Variants in KAZN observed in about 807,000 individuals in gnomAD.
KAZN encodes the protein kazrin.
Under a neutral mutation model 87.4 loss-of-function variants are expected in KAZN, and 40 were observed. That is an observed-to-expected ratio of 0.46 (90% CI 0.36 to 0.60). The LOEUF is 0.60. Among genes scored for constraint, KAZN ranks in the 20% least tolerant of loss-of-function variants. The pLI, the probability that KAZN is intolerant of heterozygous loss-of-function variation, is 0.00. For synonymous variants in KAZN, 466 were observed against 458.3 expected (o/e 1.02, Z -0.22); for missense variants, 898 against 1,073.9 (o/e 0.84, Z 2.29).
chr1:14,169,532 A>G (rs997323570), intron 1 of KAZN, among the ~76,000 whole-genome samples: 5 of 152,168 alleles, frequency 3.3e-5, no homozygotes, highest in African/African-American at 1.2e-4. Flanking sequence ...TAGGTTGAGC[A>G]CACACAGGGG....
chr1:14,571,516 G>C (rs1240300000), intron 2 of KAZN, among the ~76,000 whole-genome samples: 1 of 152,112 alleles, frequency 6.6e-6, no homozygotes, highest in African/African-American at 2.4e-5. Flanking sequence ...AAAGCTTTTT[G>C]AGTTCCCCAT....
chr1:14,666,332 G>A (rs1374288896), intron 1 of KAZN, among the ~76,000 whole-genome samples: 1 of 152,106 alleles, frequency 6.6e-6, no homozygotes, highest in African/African-American at 2.4e-5. Context: ...CCTGTTCTTT[G>A]TAATGTCTGT....
chr1:15,071,746 G>A (rs1199112749), intron 8 of KAZN, among the ~76,000 whole-genome samples: 1 of 152,204 alleles, frequency 6.6e-6, no homozygotes, highest in Non-Finnish European at 1.5e-5. Flanking sequence ...GAAAATGGCA[G>A]GACCTCTGAT....
Position 14,996,248 on chromosome 1 carries a change from T to C in KAZN, c.418+35373T>C, listed in dbSNP as rs1332475561. Among the ~76,000 whole-genome samples the C allele has an allele frequency of 6.6e-6, 1 of 152,176 alleles. No individual in the cohort carries two copies. The highest frequency in any genetic ancestry group is 2.4e-5 in the African/African-American group (1 of 41,446). ...AGGGGTCACTGGGTCGGCCTTTCTC[T>C]TTCTTGTTCCCGTGTGTCTCTGTCC... is the stretch of plus-strand genomic sequence containing the variant. On this transcript the variant is annotated intron_variant, in intron 2 of 14. Transcript: ENST00000376030. This position sits in a 1 kb window ranked among gnomAD's most constrained non-coding sequence, Gnocchi z 5.9.
At chr1:14,815,658 A>AAACAAACC (rs1646541004) in intron 1 of KAZN, among the ~76,000 whole-genome samples, 1 of 152,162 alleles carries the variant, frequency 6.6e-6, no homozygotes, top group Non-Finnish European at 1.5e-5. Context: ...ATGAGTCTGG[A>AAACAAACC]AACAAACCAG....
In KAZN at chr1:14,255,138, A is replaced by AG. The variant is rs1338838382; in HGVS notation, c.249+74546_249+74547insG. ...CTGTCTCAAAAAAAAAAAAAAAAAAAAAGAAGAAGAAGAAGAAGAAAGGGG... is the reference window on the plus strand; with the variant it reads ...CTGTCTCAAAAAAAAAAAAAAAAAAAGAAGAAGAAGAAGAAGAAGAAAGGGG... On this transcript the variant is annotated intron_variant, in intron 2 of 16. Transcript: ENST00000636203. 1.0e-2 allele frequency among the ~76,000 whole-genome samples: 1,248 copies of AG among 125,188 alleles called. 24 individuals carry two copies. The highest frequency in any genetic ancestry group is 0.043 in the African/African-American group (1,133 of 26,046). 82.1% of individuals were successfully genotyped at this position (125,188 alleles called of 152,430 possible).
intron 2 of KAZN, among the ~76,000 whole-genome samples, chr1:14,518,753 A>G (rs773993955): frequency 1.3e-5 from 2 of 152,224 alleles, no homozygotes; most frequent in African/African-American, 4.8e-5. Context: ...CTCATCAGCA[A>G]GATGGTGAAA....
chr1:14,433,754 G>A (rs932925347), intron 2 of KAZN, among the ~76,000 whole-genome samples: 4 of 152,198 alleles, frequency 2.6e-5, no homozygotes, highest in Admixed American at 6.5e-5. Flanking sequence ...CAGCTACTCG[G>A]GAGGCTAAGG....
At chr1:14,651,949 G>C (rs1178908169) in intron 1 of KAZN, among the ~76,000 whole-genome samples, 1 of 152,204 alleles carries the variant, frequency 6.6e-6, no homozygotes, top group Admixed American at 6.5e-5. Flanking sequence ...AATAGTCCCT[G>C]TAAGGGGAAA....
rs1172256461 is a variant in KAZN at position 15,021,603 on chromosome 1, G to A, written c.419-13146G>A. ...CCCTCCGCCCTCCTGGCTTCCAGGT[G>A]ACCTCTGAGCTCTTCCAGGGGCAGT... On this transcript the variant is annotated intron_variant, in intron 2 of 14. Coordinates refer to ENST00000376030, the MANE Select transcript of KAZN (RefSeq NM_201628.3). The surrounding 1 kb of genome is among the most constrained non-coding windows in gnomAD (Gnocchi z 4.2). 3.9e-5 allele frequency among the ~76,000 whole-genome samples: 6 copies of A among 152,180 alleles called. No homozygotes were observed. Among genetic ancestry groups the A allele is most frequent in the African/African-American group, 1.4e-4 (6 of 41,434 alleles).
At chr1:14,249,154 C>T (rs370246168) in intron 2 of KAZN, among the ~76,000 whole-genome samples, 7 of 152,124 alleles carry the variant, frequency 4.6e-5, no homozygotes, top group Non-Finnish European at 7.4e-5. Flanking sequence ...AATTCCTGAC[C>T]GACAGGATCC....
At chr1:14,718,889 G>T (rs554264098) in intron 1 of KAZN, among the ~76,000 whole-genome samples, 1 of 152,210 alleles carries the variant, frequency 6.6e-6, no homozygotes, top group African/African-American at 2.4e-5. Flanking sequence ...CCCCAGTTGC[G>T]CCTGTTAGGA....
At chr1:14,899,355 GAT>G (rs1655605370) in intron 1 of KAZN, among the ~76,000 whole-genome samples, 1 of 152,188 alleles carries the variant, frequency 6.6e-6, no homozygotes, top group Non-Finnish European at 1.5e-5. Context: ...CCTCTGACCT[GAT>G]ATAGGGTAAA....
intron 1 of KAZN, among the ~76,000 whole-genome samples, chr1:14,909,155 T>C (rs1362565331): frequency 1.3e-5 from 2 of 152,234 alleles, no homozygotes; most frequent in South Asian, 2.1e-4. Context: ...GTATATACTT[T>C]CGTAGAGTTG....
intron 1 of KAZN, among the ~76,000 whole-genome samples, chr1:14,710,894 T>C (rs1417729568): frequency 6.6e-6 from 1 of 152,102 alleles, no homozygotes; most frequent in South Asian, 2.1e-4. Flanking sequence ...TAAATAATTA[T>C]TGAGGGGGGC....
chr1:14,055,951 G>GTC (rs1297384581), intron 1 of KAZN, among the ~76,000 whole-genome samples: 5 of 152,126 alleles, frequency 3.3e-5, no homozygotes, highest in African/African-American at 9.7e-5. Context: ...TCACTGTCCA[G>GTC]TCTTTCTGCC....
At chr1:14,609,770 G>C (rs1395285863) in intron 1 of KAZN, among the ~76,000 whole-genome samples, 1 of 152,250 alleles carries the variant, frequency 6.6e-6, no homozygotes, top group Non-Finnish European at 1.5e-5. Flanking sequence ...TGGTCCATGT[G>C]ATTGAATTGA....
At chr1:13,976,056 C>G (rs1638343539) in intron 1 of KAZN, among the ~76,000 whole-genome samples, 1 of 152,176 alleles carries the variant, frequency 6.6e-6, no homozygotes, top group African/African-American at 2.4e-5. Flanking sequence ...GGCTGTTTAT[C>G]TTGTGAGGCT....
At chr1:14,244,110 A>AAAAC (rs199760917) in intron 2 of KAZN, among the ~76,000 whole-genome samples, 48 of 151,932 alleles carry the variant, frequency 3.2e-4, no homozygotes, top group African/African-American at 1.1e-3. Flanking sequence ...GGCTTCTGTT[A>AAAAC]AAACAAACAA....
Sources: allele counts gnomAD v4.1 joint callset (sites outside exome capture counted in the v4.1 genomes callset), GRCh38; gene constraint gnomAD v4.1.1; non-coding constraint Gnocchi (gnomAD v3.1); transcripts MANE v1.5; gene names NCBI Gene and HGNC (gene_info 2026-07-23, HGNC 2026-07-21).